KSR2: variants seen among roughly 807,000 people sequenced by gnomAD.
KSR2 encodes kinase suppressor of ras 2.
A neutral mutation model predicts 107.8 loss-of-function variants in KSR2; 25 were observed. That is an observed-to-expected ratio of 0.23 (90% CI 0.17 to 0.32). The LOEUF (loss-of-function observed/expected upper bound fraction) is 0.32. Among genes scored for constraint, KSR2 ranks in the 10% least tolerant of loss-of-function variants. The probability of loss-of-function intolerance (pLI) is 1.00; values close to 1 mark genes in which losing one functional copy is unlikely to be tolerated. For synonymous variants in KSR2, 480 were observed against 507.0 expected (o/e 0.95, Z 0.71); for missense variants, 887 against 1,268.9 (o/e 0.70, Z 4.57).
At chr12:117,664,257 G>C (rs1474431102) in intron 5 of KSR2, among the ~76,000 whole-genome samples, 1 of 152,136 alleles carries the variant, frequency 6.6e-6, no homozygotes, top group African/African-American at 2.4e-5. Flanking sequence ...AGGTTGTGAG[G>C]CTTGGCCACA....
At chr12:117,811,586 A>G (rs1215969183) in intron 3 of KSR2, among the ~76,000 whole-genome samples, 2 of 152,066 alleles carry the variant, frequency 1.3e-5, no homozygotes, top group East Asian at 1.9e-4. Flanking sequence ...TAGCAGATTA[A>G]CCTCTCTCTG....
rs1566004358 is a variant in KSR2 at position 117,768,343 on chromosome 12, C to T, written c.473-6819G>A. On this transcript the variant is annotated intron_variant, in intron 3 of 19. Coordinates refer to ENST00000339824, the MANE Select transcript of KSR2 (RefSeq NM_173598.6). ...CTTCTTTGATCATATGGCTTAAAAGCCACACAGCCCAATGGATGGGATCCA... is the reference window on the plus strand; with the variant it reads ...CTTCTTTGATCATATGGCTTAAAAGTCACACAGCCCAATGGATGGGATCCA... 2.0e-5 allele frequency among the ~76,000 whole-genome samples: 3 copies of T among 152,288 alleles called. No individual in the cohort carries two copies. In the South Asian group the frequency reaches 6.2e-4, roughly 32 times the overall value.
At chr12:117,947,023 G>A (rs1260494654) in intron 1 of KSR2, among the ~76,000 whole-genome samples, 1 of 151,484 alleles carries the variant, frequency 6.6e-6, no homozygotes, top group African/African-American at 2.4e-5. Flanking sequence ...AAAAAAATTA[G>A]CTGGGTGTGG....
intron 3 of KSR2, among the ~76,000 whole-genome samples, chr12:117,777,079 ATATATATTT>A (rs960470141): frequency 1.4e-4 from 16 of 110,986 alleles, no homozygotes; most frequent in African/African-American, 7.0e-4. Flanking sequence ...TGTATTTAAT[ATATATATTT>A]TATATATATA....
intron 1 of KSR2, among the ~76,000 whole-genome samples, chr12:117,895,550 C>T (rs1258384072): frequency 1.3e-5 from 2 of 151,892 alleles, no homozygotes; most frequent in Admixed American, 6.6e-5. Flanking sequence ...TTCATACCTC[C>T]TAGGATGGCT....
At chr12:117,700,757 A>G (rs908390871) in intron 4 of KSR2, among the ~76,000 whole-genome samples, 5 of 152,194 alleles carry the variant, frequency 3.3e-5, no homozygotes, top group Admixed American at 2.0e-4. Context: ...GTGGGAGCAA[A>G]TGTCAGTATC....
At chr12:117,848,465 G>C (rs1010866065) in intron 3 of KSR2, among the ~76,000 whole-genome samples, 1 of 152,246 alleles carries the variant, frequency 6.6e-6, no homozygotes, top group African/African-American at 2.4e-5. Context: ...CTAGGGCTGT[G>C]CCCAGAGAAA....
At position 117,485,744 on chromosome 12, in the gene KSR2, A is replaced by G. The variant is rs1872427411; in HGVS notation, c.2220-53T>C. Reference sequence around the variant, plus strand: ...AATGGCAGTCGTTCAGAAGAAGGTGACCCACAACAGTTACTACAAGTGACA... The same window carrying G: ...AATGGCAGTCGTTCAGAAGAAGGTGGCCCACAACAGTTACTACAAGTGACA... On this transcript the variant is annotated intron_variant, in intron 14 of 19. Coordinates refer to ENST00000339824, the MANE Select transcript of KSR2 (RefSeq NM_173598.6). 15 of 1,244,178 alleles carry G rather than the reference A, an allele frequency of 1.2e-5. No individual in the cohort carries two copies. The East Asian group carries it at 3.5e-4, about 29-fold the overall frequency. The allele number at this position is 1,244,178 out of a possible 1,614,324, so 77.1% of individuals were successfully genotyped here.
intron 3 of KSR2, among the ~76,000 whole-genome samples, chr12:117,778,396 A>T (rs1889770017): frequency 1.3e-5 from 2 of 152,174 alleles, no homozygotes; most frequent in African/African-American, 2.4e-5. Context: ...CGGCCGAAAC[A>T]ATCCTTGAAC....
At chr12:117,712,826 T>C (rs11068642) in intron 4 of KSR2, among the ~76,000 whole-genome samples, 3 of 152,092 alleles carry the variant, frequency 2.0e-5, no homozygotes, top group African/African-American at 4.8e-5. Context: ...TCTAGATAGA[T>C]AGCTACCTAG....
rs1407067346 is a variant in KSR2 at position 117,798,838 on chromosome 12, G to A, written c.473-37314C>T. The stretch of plus-strand genomic sequence containing the variant: ...GCCCAAAAGAAGAAACAACCCCAGT[G>A]TCCATCAATGAAAATATGGATAAAC... On this transcript the variant is annotated intron_variant, in intron 3 of 19. Transcript: ENST00000339824. 2.0e-5 allele frequency among the ~76,000 whole-genome samples: 3 copies of A among 151,950 alleles called. No individual in the cohort carries two copies. The East Asian group carries it at 5.8e-4, about 29-fold the overall frequency.
chr12:117,772,214 C>T (rs1265758701), intron 3 of KSR2, among the ~76,000 whole-genome samples: 1 of 111,840 alleles, frequency 8.9e-6, no homozygotes, highest in African/African-American at 2.9e-5. Context: ...CACACTCATA[C>T]ACACACACCA....
chr12:117,829,219 G>A (rs1044031849), intron 3 of KSR2, among the ~76,000 whole-genome samples: 3 of 152,040 alleles, frequency 2.0e-5, no homozygotes, highest in Non-Finnish European at 2.9e-5. Flanking sequence ...TCCAACTCAC[G>A]CTTTATCACA....
chr12:117,564,454 G>A (rs1389229722), intron 7 of KSR2, among the ~76,000 whole-genome samples: 1 of 132,872 alleles, frequency 7.5e-6, no homozygotes, highest in Non-Finnish European at 1.8e-5. Flanking sequence ...CCCACTCTGA[G>A]CACACACAGA....
At chr12:117,727,600 C>T (rs777832301) in intron 4 of KSR2, among the ~76,000 whole-genome samples, 2 of 151,692 alleles carry the variant, frequency 1.3e-5, no homozygotes. Flanking sequence ...ATCATGTAGC[C>T]TCAAGACAAG....
intron 4 of KSR2, among the ~76,000 whole-genome samples, chr12:117,678,371 C>T (rs552626010): frequency 1.3e-5 from 2 of 152,202 alleles, no homozygotes; most frequent in African/African-American, 4.8e-5. Context: ...CCCACCAACC[C>T]TTGCCAAGCT....
chr12:117,576,273 C>T lies in KSR2; in HGVS notation c.1325+2846G>A, dbSNP rs200688772. On this transcript the variant is annotated intron_variant, in intron 7 of 19. Transcript: ENST00000339824. ...GATGTAAGAGTTGCCATTACCCCCA[C>T]GGAATGTGGTGGGACTAGATACAGA... Among the ~76,000 whole-genome samples, 36 of 152,240 alleles carry T rather than the reference C, an allele frequency of 2.4e-4. No homozygotes were observed. In the East Asian group the frequency reaches 4.6e-3, roughly 20 times the overall value.
intron 14 of KSR2, among the ~76,000 whole-genome samples, chr12:117,506,864 T>C (rs1012172225): frequency 2.0e-5 from 3 of 152,128 alleles, no homozygotes; most frequent in African/African-American, 4.8e-5. Flanking sequence ...TGTGTATATA[T>C]ATGTATACAC....
intron 1 of KSR2, chr12:117,890,667 G>T (rs910545274): frequency 4.6e-5 from 7 of 152,140 alleles, no homozygotes; most frequent in African/African-American, 1.7e-4. Flanking sequence ...AGATCCATTT[G>T]ATTGCATTTG....
Sources: gnomAD v4.1 joint callset for allele counts (sites outside exome capture counted in the v4.1 genomes callset) on GRCh38, gnomAD v4.1.1 for gene constraint, MANE v1.5 for transcripts, NCBI Gene and HGNC (gene_info 2026-07-23, HGNC 2026-07-21) for gene names.